CD163L1: variants seen among roughly 807,000 people sequenced by gnomAD.
The protein encoded by CD163L1 is CD163 molecule like 1.
CD163L1 carries 124 observed loss-of-function variants against 165.4 expected under a neutral mutation model. The observed-to-expected ratio is 0.75, with a 90% confidence interval of 0.65 to 0.87. The LOEUF is 0.87. Ranked by LOEUF, CD163L1 falls within the 40% of genes least tolerant of loss-of-function variation. The pLI, the probability that CD163L1 is intolerant of heterozygous loss-of-function variation, is 0.00. For synonymous variants in CD163L1, 585 were observed against 662.2 expected (o/e 0.88, Z 1.79); for missense variants, 1,525 against 1,799.9 (o/e 0.85, Z 2.76).
chr12:7,357,349 GT>G, intron 19 of CD163L1, 30 bp downstream of exon 19: 1 of 1,439,340 alleles, frequency 6.9e-7, no homozygotes, highest in Non-Finnish European at 9.8e-7. Context: ...TAAATTACTA[GT>G]TTTAGTAGGA....
chr12:7,406,561 T>C lies in CD163L1; in HGVS notation c.1058A>G (p.His353Arg). ...HSGTVNFDCL[H>R]QNDVSVICSD... ...GCAGATCACAGACACATCGTTTTGA[T>C]GAAGACAGTCAAAATTGACGGTTCC... The change falls in exon 5 of 20, where the codon CAT (histidine) becomes CGT (arginine). Residue 353 changes from histidine (H) to arginine (R), a missense_variant. Coordinates refer to ENST00000313599, the MANE Select transcript of CD163L1 (RefSeq NM_174941.6). 1 of 1,614,060 alleles carries C rather than the reference T, an allele frequency of 6.2e-7. No individual in the cohort carries two copies. The highest frequency in any genetic ancestry group is 8.5e-7 in the Non-Finnish European group (1 of 1,179,970).
At chr12:7,395,054 G>C (rs1947743840) in intron 8 of CD163L1, among the ~76,000 whole-genome samples, 1 of 152,148 alleles carries the variant, frequency 6.6e-6, no homozygotes, top group Admixed American at 6.5e-5. Context: ...CAAGGACCTA[G>C]AACTAGAAAT....
At chr12:7,329,635 CAT>C in the CD163L1 span, among the ~76,000 whole-genome samples, 1 of 151,394 alleles carries the variant, frequency 6.6e-6, no homozygotes, top group Non-Finnish European at 1.5e-5. Context: ...TTTTAACTGA[CAT>C]AATTTTTTAA....
intron 6 of CD163L1, among the ~76,000 whole-genome samples, chr12:7,401,049 T>C (rs1591928755): frequency 1.3e-5 from 2 of 152,262 alleles, no homozygotes; most frequent in Admixed American, 1.3e-4. Flanking sequence ...ATCAAGGAAG[T>C]AAGATTTTTG....
chr12:7,437,731 G>A (rs1948758284), intron 2 of CD163L1, among the ~76,000 whole-genome samples: 1 of 149,254 alleles, frequency 6.7e-6, no homozygotes, highest in Admixed American at 6.7e-5. Context: ...CAGGTTTGTG[G>A]CTTCAGGGAA....
chr12:7,432,003 G>A lies in CD163L1; in HGVS notation c.766+413C>T, dbSNP rs977411262. Among the ~76,000 whole-genome samples the A allele has an allele frequency of 2.0e-5, 3 of 152,156 alleles. No homozygotes were observed. The highest frequency in any genetic ancestry group is 6.5e-5 in the Admixed American group (1 of 15,270). ...AAATTGCCAAAGGAAAGAGGGCAGCGTGAGATTAGGGACTTAGTCCTGATG... is the reference window on the plus strand; with the variant it reads ...AAATTGCCAAAGGAAAGAGGGCAGCATGAGATTAGGGACTTAGTCCTGATG... On this transcript the variant is annotated intron_variant, in intron 4 of 19. Transcript: ENST00000313599. This position sits in a 1 kb window ranked among gnomAD's most constrained non-coding sequence, Gnocchi z 4.2.
intron 4 of CD163L1, among the ~76,000 whole-genome samples, chr12:7,423,926 C>T (rs1406576843): frequency 6.6e-6 from 1 of 152,124 alleles, no homozygotes; most frequent in Non-Finnish European, 1.5e-5. Flanking sequence ...ACCATTCCTT[C>T]TGAAACTATT....
intron 18 of CD163L1, among the ~76,000 whole-genome samples, chr12:7,364,359 T>C (rs1471578996): frequency 6.6e-6 from 1 of 152,090 alleles, no homozygotes; most frequent in Non-Finnish European, 1.5e-5. Context: ...ATAGAAAACA[T>C]TTCCTGCAAA....
intron 17 of CD163L1, 100 bp from the exon 18 acceptor site, chr12:7,367,431 A>AT: frequency 1.6e-6 from 1 of 644,058 alleles, no homozygotes; most frequent in South Asian, 2.8e-5. Flanking sequence ...AATCCCTCTG[A>AT]GCTAAAATCC....
intron 8 of CD163L1, among the ~76,000 whole-genome samples, chr12:7,380,312 T>C (rs745785559): frequency 3.4e-5 from 5 of 148,776 alleles, no homozygotes; most frequent in African/African-American, 1.3e-4. Flanking sequence ...TATACACATA[T>C]ACATACATAT....
chr12:7,398,626 G>C lies in CD163L1; in HGVS notation c.1409-42C>G, dbSNP rs7489145. 0.059 allele frequency: 88,251 copies of C among 1,494,810 alleles called. 5,682 individuals carry two copies. The highest frequency in any genetic ancestry group is 0.29 in the African/African-American group (20,554 of 71,206). 92.6% of individuals were successfully genotyped at this position (1,494,810 alleles called of 1,614,324 possible). ...ACCACATATTTGAGATCAAATGAGA[G>C]AGTCTTTTCAGAAGACTGAAAAGAC... On this transcript the variant is annotated intron_variant, in intron 6 of 19. Transcript: ENST00000313599. The surrounding 1 kb of genome is among the most constrained non-coding windows in gnomAD (Gnocchi z 4.5).
intron 1 of CD163L1, among the ~76,000 whole-genome samples, 193 bp from the exon 2 acceptor site, chr12:7,441,439 C>T (rs1449566011): frequency 2.0e-5 from 3 of 152,188 alleles, no homozygotes; most frequent in African/African-American, 4.8e-5. Context: ...GATGGAAAGG[C>T]ACCAAGTGGT....
rs189142200 is a variant in CD163L1 at position 7,402,190 on chromosome 12, A to T, written c.1408+1345T>A. ...AACAGCCTAAACACCAAGAATAGAG[A>T]TCAGGCTAAATTTACTGTACACATA... On this transcript the variant is annotated intron_variant, in intron 6 of 19. Coordinates refer to ENST00000313599, the MANE Select transcript of CD163L1 (RefSeq NM_174941.6). Among the ~76,000 whole-genome samples, 700 of 152,210 alleles carry T rather than the reference A, an allele frequency of 4.6e-3. 6 individuals carry two copies. Among genetic ancestry groups the T allele is most frequent in the African/African-American group, 0.016 (655 of 41,568 alleles).
chr12:7,405,285 C>T (rs1947994947), intron 5 of CD163L1, among the ~76,000 whole-genome samples: 1 of 151,740 alleles, frequency 6.6e-6, no homozygotes, highest in Non-Finnish European at 1.5e-5. Context: ...TGTTTCCTTC[C>T]CCCTTCTCTC....
the CD163L1 span, among the ~76,000 whole-genome samples, chr12:7,326,452 C>T: frequency 6.6e-6 from 1 of 152,180 alleles, no homozygotes; most frequent in African/African-American, 2.4e-5. Flanking sequence ...TGAAGTTATC[C>T]TTCTACCTTG....
At chr12:7,435,919 T>C (rs1032265383) in intron 2 of CD163L1, among the ~76,000 whole-genome samples, 2 of 152,140 alleles carry the variant, frequency 1.3e-5, no homozygotes, top group Non-Finnish European at 2.9e-5. Flanking sequence ...AAATATAATA[T>C]TGAAAGATAA....
At chr12:7,370,956 G>T (rs142452421) in intron 14 of CD163L1, among the ~76,000 whole-genome samples, 1,870 of 152,186 alleles carry the variant, frequency 0.012, 44 homozygotes, top group African/African-American at 0.042. Flanking sequence ...CACGTGTTGT[G>T]GGGGGGACCT....
At chr12:7,414,379 C>T (rs771136803) in intron 4 of CD163L1, among the ~76,000 whole-genome samples, 199 of 151,952 alleles carry the variant, frequency 1.3e-3, no homozygotes, top group African/African-American at 4.2e-3. Context: ...GAAGAAAGAA[C>T]CAATGAACTG....
At chr12:7,351,793 C>T (rs567098647), downstream of CD163L1, among the ~76,000 whole-genome samples, 1 of 152,012 alleles carries the variant, frequency 6.6e-6, no homozygotes, top group African/African-American at 2.4e-5. Context: ...CAAGGTAAGC[C>T]TGAAAACTGT....
Sources: allele counts gnomAD v4.1 joint callset (sites outside exome capture counted in the v4.1 genomes callset), GRCh38; gene constraint gnomAD v4.1.1; non-coding constraint Gnocchi (gnomAD v3.1); transcripts MANE v1.5; gene names NCBI Gene and HGNC (gene_info 2026-07-23, HGNC 2026-07-21).